Variants in CCSER1 observed in about 807,000 individuals in gnomAD.
The protein encoded by CCSER1 is serine-rich coiled-coil domain-containing protein 1.
Under a neutral mutation model 82.0 loss-of-function variants are expected in CCSER1, and 41 were observed. The ratio of observed to expected loss-of-function variants is 0.50; its 90% CI spans 0.39 to 0.65. The LOEUF (loss-of-function observed/expected upper bound fraction) is 0.65. Ranked by LOEUF, CCSER1 falls within the 30% of genes least tolerant of loss-of-function variation. The probability of loss-of-function intolerance (pLI) is 0.00; values close to 1 mark genes in which losing one functional copy is unlikely to be tolerated. For synonymous variants in CCSER1, 414 were observed against 383.9 expected, an observed-to-expected ratio of 1.08 and a Z score of -0.92; for missense variants, 1,119 against 1,064.2, an observed-to-expected ratio of 1.05 and a Z score of -0.72.
At chr4:90,363,207 A>G (rs930911649) in intron 3 of CCSER1, among the ~76,000 whole-genome samples, 6 of 152,188 alleles carry the variant, frequency 3.9e-5, no homozygotes, top group Non-Finnish European at 8.8e-5. Context: ...TACAAATTCT[A>G]GATTGCTTCT....
chr4:90,370,047 GTCT>G (rs1289401334), intron 3 of CCSER1: 4 of 151,996 alleles, frequency 2.6e-5, no homozygotes, highest in Non-Finnish European at 5.9e-5. Flanking sequence ...GCAAATGTTT[GTCT>G]TCTTGTTTTG....
intron 10 of CCSER1, among the ~76,000 whole-genome samples, chr4:91,110,689 C>G (rs746332346): frequency 2.2e-4 from 34 of 151,994 alleles, no homozygotes; most frequent in Non-Finnish European, 4.6e-4. Context: ...TTTTATTCAA[C>G]TTATATTCAT....
rs1287469072 is a variant in CCSER1 at position 90,747,548 on chromosome 4, A to G, written c.2010+23557A>G. ...GGAATTTTCAGTGTTTAGTATGCAG[A>G]GTTTAATTTAATCTACCTGTTTTCA... is the stretch of plus-strand genomic sequence containing the variant. On this transcript the variant is annotated intron_variant, in intron 7 of 10. Coordinates refer to ENST00000509176, the MANE Select transcript of CCSER1 (RefSeq NM_001145065.2). Among the ~76,000 whole-genome samples, 3 of 151,980 alleles carry G rather than the reference A, an allele frequency of 2.0e-5. No homozygotes were observed. The South Asian group carries it at 6.2e-4, about 32-fold the overall frequency.
chr4:90,700,057 A>G (rs1401192538), intron 6 of CCSER1, among the ~76,000 whole-genome samples: 1 of 151,758 alleles, frequency 6.6e-6, no homozygotes, highest in African/African-American at 2.4e-5. Context: ...TTACATATGT[A>G]TACATGTGCC....
intron 10 of CCSER1, among the ~76,000 whole-genome samples, chr4:91,422,249 G>C (rs1277083410): frequency 6.6e-6 from 1 of 151,466 alleles, no homozygotes; most frequent in Non-Finnish European, 1.5e-5. Flanking sequence ...TTAAGTTATT[G>C]ATTGTATGGT....
Position 91,531,907 on chromosome 4 carries a change from C to A in CCSER1, c.2218-66665C>A, listed in dbSNP as rs529016068. Reference sequence around the variant, plus strand: ...TTTTGATTTTTAATAGAGATAAGGTCTCACTATATTGCCCAGGCTGATCTC... The same window carrying A: ...TTTTGATTTTTAATAGAGATAAGGTATCACTATATTGCCCAGGCTGATCTC... On this transcript the variant is annotated intron_variant, in intron 10 of 10. Coordinates refer to ENST00000509176, the MANE Select transcript of CCSER1 (RefSeq NM_001145065.2). Among the ~76,000 whole-genome samples, 2 of 152,214 alleles carry A rather than the reference C, an allele frequency of 1.3e-5. 1 individual carries two copies. Among genetic ancestry groups the A allele is most frequent in the South Asian group, 4.2e-4 (2 of 4,814 alleles).
At chr4:90,614,833 G>A (rs77339992) in intron 5 of CCSER1, among the ~76,000 whole-genome samples, 4,183 of 152,270 alleles carry the variant, frequency 0.027, 186 homozygotes, top group African/African-American at 0.096. Flanking sequence ...ATTGATGAAG[G>A]TGGCTACACT....
chr4:91,235,233 A>G (rs369076423), intron 10 of CCSER1, among the ~76,000 whole-genome samples: 45 of 152,278 alleles, frequency 3.0e-4, no homozygotes, highest in East Asian at 1.7e-3. Context: ...AGAGGTATAC[A>G]TAGCAAATTC....
At chr4:91,573,385 G>A (rs528224628) in intron 10 of CCSER1, among the ~76,000 whole-genome samples, 3 of 152,262 alleles carry the variant, frequency 2.0e-5, no homozygotes, top group Admixed American at 6.5e-5. Flanking sequence ...CTCTTTCCTA[G>A]TAGTATACAC....
chr4:91,006,765 A>T (rs1581318744), intron 9 of CCSER1, among the ~76,000 whole-genome samples: 1 of 152,130 alleles, frequency 6.6e-6, no homozygotes, highest in African/African-American at 2.4e-5. Flanking sequence ...TGCTGGGATT[A>T]CAGGCGGCCT....
intron 1 of CCSER1, among the ~76,000 whole-genome samples, chr4:90,221,620 A>G (rs895282379): frequency 6.6e-6 from 1 of 152,160 alleles, no homozygotes; most frequent in African/African-American, 2.4e-5. Context: ...TTAAAATACA[A>G]ATTGTATCTC....
intron 7 of CCSER1, among the ~76,000 whole-genome samples, chr4:90,754,768 C>G (rs1316378479): frequency 6.6e-6 from 1 of 152,010 alleles, no homozygotes; most frequent in African/African-American, 2.4e-5. Context: ...CATTCAGCTG[C>G]AAAAATAAGA....
chr4:90,212,701 G>A (rs1278429306), intron 1 of CCSER1, among the ~76,000 whole-genome samples: 1 of 152,200 alleles, frequency 6.6e-6, no homozygotes, highest in Non-Finnish European at 1.5e-5. Flanking sequence ...TTGTATGTCT[G>A]ATAATGCTAA....
intron 9 of CCSER1, among the ~76,000 whole-genome samples, chr4:91,037,366 C>T (rs1741537376): frequency 6.6e-6 from 1 of 152,156 alleles, no homozygotes; most frequent in Non-Finnish European, 1.5e-5. Flanking sequence ...ACAAGGTTGT[C>T]TCTGGTGAGC....
intron 10 of CCSER1, among the ~76,000 whole-genome samples, chr4:91,237,849 G>A (rs939894491): frequency 5.3e-5 from 8 of 152,116 alleles, no homozygotes; most frequent in East Asian, 1.9e-4. Flanking sequence ...TAGTAAATTC[G>A]AGTTTGCTGA....
intron 9 of CCSER1, among the ~76,000 whole-genome samples, chr4:90,973,838 C>T (rs1735351047): frequency 6.6e-6 from 1 of 151,532 alleles, no homozygotes; most frequent in Non-Finnish European, 1.5e-5. Context: ...CACACCAACA[C>T]ACACACACTC....
intron 1 of CCSER1, among the ~76,000 whole-genome samples, chr4:90,245,784 A>T (rs1367063149): frequency 6.6e-6 from 1 of 152,120 alleles, no homozygotes; most frequent in Non-Finnish European, 1.5e-5. Context: ...GAAAAGGACA[A>T]GTGCAGTGAT....
chr4:90,559,138 T>C (rs1410594720), intron 5 of CCSER1, among the ~76,000 whole-genome samples: 6 of 152,192 alleles, frequency 3.9e-5, no homozygotes, highest in Admixed American at 3.9e-4. Flanking sequence ...ACTATCTGAT[T>C]TGTATATTCT....
At chr4:91,218,388 A>G (rs1433565982) in intron 10 of CCSER1, among the ~76,000 whole-genome samples, 1 of 152,126 alleles carries the variant, frequency 6.6e-6, no homozygotes, top group Non-Finnish European at 1.5e-5. Context: ...AGTGGGCTCC[A>G]GCCTTGGCCA....
Sources: allele counts gnomAD v4.1 joint callset (sites outside exome capture counted in the v4.1 genomes callset), GRCh38; gene constraint gnomAD v4.1.1; transcripts MANE v1.5; gene names NCBI Gene and HGNC (gene_info 2026-07-23, HGNC 2026-07-21).